The following ABCD3 variants were observed in gnomAD, a reference collection of about 807,000 sequenced individuals.
The protein encoded by ABCD3 is ATP-binding cassette sub-family D member 3.
ABCD3 carries 41 observed loss-of-function variants against 105.5 expected under a neutral mutation model. The observed-to-expected ratio is 0.39, with a 90% confidence interval of 0.30 to 0.50. The LOEUF (loss-of-function observed/expected upper bound fraction) is 0.50. ABCD3 is among the 20% of genes least tolerant of loss of function. The pLI is 0.84. For synonymous variants in ABCD3, 258 were observed against 269.0 expected, an observed-to-expected ratio of 0.96 and a Z score of 0.40; for missense variants, 622 against 806.3, an observed-to-expected ratio of 0.77 and a Z score of 2.77.
chr1:94,447,658 C>T (rs527911547), intron 1 of ABCD3, among the ~76,000 whole-genome samples: 14 of 152,286 alleles, frequency 9.2e-5, no homozygotes, highest in African/African-American at 2.2e-4. Flanking sequence ...ATAATTTGTG[C>T]TGCCCCCTAT....
At position 94,503,509 on chromosome 1, in the gene ABCD3, A is replaced by G. The variant is rs140534454; in HGVS notation, c.1741-3029A>G. The stretch of plus-strand genomic sequence containing the variant: ...TTCCTTCAGTTATATCCCCTCCCGC[A>G]GCCCCCACCTACATTTAACCTCTTC... On this transcript the variant is annotated intron_variant, in intron 20 of 22. Transcript: ENST00000370214. Among the ~76,000 whole-genome samples, 5 of 152,138 alleles carry G rather than the reference A, an allele frequency of 3.3e-5. No homozygotes were observed. In the East Asian group the frequency reaches 7.8e-4, roughly 24 times the overall value.
chr1:94,429,587 A>G (rs879499409), intron 1 of ABCD3, among the ~76,000 whole-genome samples: 6 of 152,204 alleles, frequency 3.9e-5, no homozygotes, highest in South Asian at 2.1e-4. Context: ...GGGCCAAGGT[A>G]TATCTCAGGC....
At chr1:94,473,094 G>A (rs1648564058) in intron 4 of ABCD3, among the ~76,000 whole-genome samples, 1 of 152,160 alleles carries the variant, frequency 6.6e-6, no homozygotes, top group South Asian at 2.1e-4. Flanking sequence ...TGAGGAACAT[G>A]AAGCTTCTGT....
chr1:94,411,990 G>A, the ABCD3 span, among the ~76,000 whole-genome samples: 6 of 152,260 alleles, frequency 3.9e-5, no homozygotes, highest in South Asian at 6.2e-4. Context: ...CAGGGACTAC[G>A]GGGAGAGGAA....
the ABCD3 span, among the ~76,000 whole-genome samples, chr1:94,386,654 A>T: frequency 1.3e-5 from 2 of 152,212 alleles, no homozygotes; most frequent in African/African-American, 4.8e-5. Context: ...TACTTTCTGA[A>T]TCCTTTGTAG....
intron 21 of ABCD3, among the ~76,000 whole-genome samples, chr1:94,510,858 A>G (rs1214379132): frequency 6.6e-6 from 1 of 151,852 alleles, no homozygotes; most frequent in Non-Finnish European, 1.5e-5. Context: ...ATCTTCCTCC[A>G]TCCTTTTATT....
chr1:94,504,121 C>T (rs991991271), intron 20 of ABCD3, among the ~76,000 whole-genome samples: 2 of 151,952 alleles, frequency 1.3e-5, no homozygotes, highest in Admixed American at 6.6e-5. Flanking sequence ...CTATGTTGGC[C>T]AGGCTTGTCT....
chr1:94,498,931 T>C lies in ABCD3; in HGVS notation c.1531-14T>C. Reference sequence around the variant, plus strand: ...CATGTTGCTTCTAATTGACTTTTGCTCTACTACTGTCAGAGACCTTACATG... The same window carrying C: ...CATGTTGCTTCTAATTGACTTTTGCCCTACTACTGTCAGAGACCTTACATG... On this transcript the variant is annotated splice_polypyrimidine_tract_variant and intron_variant, in intron 18 of 22. Coordinates refer to ENST00000370214, the MANE Select transcript of ABCD3 (RefSeq NM_002858.4). 1 of 1,613,046 alleles carries C rather than the reference T, an allele frequency of 6.2e-7. No individual in the cohort carries two copies.
At chr1:94,426,216 A>G (rs1557658106) in intron 1 of ABCD3, among the ~76,000 whole-genome samples, 1 of 152,186 alleles carries the variant, frequency 6.6e-6, no homozygotes, top group Non-Finnish European at 1.5e-5. Flanking sequence ...CAGAGTTGGA[A>G]AGTATCTTAA....
At chr1:94,486,461 C>T (rs552952755) in intron 10 of ABCD3, among the ~76,000 whole-genome samples, 4 of 152,330 alleles carry the variant, frequency 2.6e-5, no homozygotes, top group African/African-American at 9.6e-5. Context: ...CAGTGTCTGA[C>T]ACATGGTAGT....
At chr1:94,501,194 T>C (rs1415418759) in intron 20 of ABCD3, among the ~76,000 whole-genome samples, 1 of 145,320 alleles carries the variant, frequency 6.9e-6, no homozygotes, top group Non-Finnish European at 1.5e-5. Flanking sequence ...CCGGGAGGCA[T>C]AGGCTGCAGT....
the ABCD3 span, among the ~76,000 whole-genome samples, chr1:94,386,503 T>C: frequency 6.6e-6 from 1 of 152,198 alleles, no homozygotes; most frequent in African/African-American, 2.4e-5. Flanking sequence ...TACAAGGCAG[T>C]TTGCAGAAAT....
At chr1:94,388,421 TTC>T in the ABCD3 span, among the ~76,000 whole-genome samples, 1 of 152,256 alleles carries the variant, frequency 6.6e-6, no homozygotes, top group Non-Finnish European at 1.5e-5. Context: ...GTCAGCTCTA[TTC>T]TCTCAGACCA....
chr1:94,499,921 C>A (rs1442032043), intron 20 of ABCD3, among the ~76,000 whole-genome samples: 1 of 152,072 alleles, frequency 6.6e-6, no homozygotes, highest in African/African-American at 2.4e-5. Flanking sequence ...ATAAGGTAAT[C>A]CTGGCTGGGT....
At chr1:94,394,308 A>G in the ABCD3 span, among the ~76,000 whole-genome samples, 1 of 152,214 alleles carries the variant, frequency 6.6e-6, no homozygotes, top group Non-Finnish European at 1.5e-5. Flanking sequence ...CTATTATGAC[A>G]GAATAGGAGA....
intron 20 of ABCD3, among the ~76,000 whole-genome samples, chr1:94,503,949 G>A (rs1650231015): frequency 8.9e-6 from 1 of 112,224 alleles, no homozygotes; most frequent in South Asian, 2.8e-4. Context: ...GTCTCACTCT[G>A]TTGCCGAAGC....
rs1351703562 is a variant in ABCD3, at chr1:94,487,614, A to G, written c.967+3A>G. 2.0e-5 allele frequency: 32 copies of G among 1,613,182 alleles called. No homozygotes were observed. Among genetic ancestry groups the G allele is most frequent in the Non-Finnish European group, 2.7e-5 (32 of 1,179,234 alleles). The stretch of plus-strand genomic sequence containing the variant: ...CATTGATAGTATTATTGCCAAATGT[A>G]AGTATATTTTGAAAGAGATGAGATT... On this transcript the variant is annotated splice_donor_region_variant and intron_variant, in intron 11 of 22. Transcript: ENST00000370214.
chr1:94,508,444 C>T (rs1650475434), intron 21 of ABCD3, among the ~76,000 whole-genome samples: 1 of 151,818 alleles, frequency 6.6e-6, no homozygotes, highest in Non-Finnish European at 1.5e-5. Flanking sequence ...CAGCTTTGTT[C>T]TTTTGGCTTA....
In ABCD3 at chr1:94,517,037, C is replaced by T. The variant is rs1328779407; in HGVS notation, c.1903-15C>T. 4.4e-6 allele frequency: 7 copies of T among 1,589,798 alleles called. No homozygotes were observed. In the Middle Eastern group the frequency reaches 5.0e-4, roughly 113 times the overall value. On this transcript the variant is annotated splice_polypyrimidine_tract_variant and intron_variant, in intron 22 of 22. Coordinates refer to ENST00000370214, the MANE Select transcript of ABCD3 (RefSeq NM_002858.4). Reference sequence around the variant, plus strand: ...CTCTTAGTTACTGACTTTTTTTCCCCCTTCTTTCCCATAGTACTACCTGCA... The same window carrying T: ...CTCTTAGTTACTGACTTTTTTTCCCTCTTCTTTCCCATAGTACTACCTGCA...
Sources: allele counts gnomAD v4.1 joint callset (sites outside exome capture counted in the v4.1 genomes callset), GRCh38; gene constraint gnomAD v4.1.1; transcripts MANE v1.5; gene names NCBI Gene and HGNC (gene_info 2026-07-23, HGNC 2026-07-21).